Variants in ATF6 observed in about 807,000 individuals in gnomAD.
ATF6 encodes activating transcription factor 6, also known as cyclic AMP-dependent transcription factor ATF-6 alpha.
A neutral mutation model predicts 83.6 loss-of-function variants in ATF6; 53 were observed. The ratio of observed to expected loss-of-function variants is 0.63; its 90% CI spans 0.51 to 0.80. The LOEUF is 0.80. ATF6 is among the 30% of genes least tolerant of loss of function. The pLI, the probability that ATF6 is intolerant of heterozygous loss-of-function variation, is 0.00. For synonymous variants in ATF6, 288 were observed against 285.8 expected (o/e 1.01, Z -0.08); for missense variants, 744 against 797.9 (o/e 0.93, Z 0.81).
chr1:161,889,412 AC>A (rs1687502480), intron 14 of ATF6, among the ~76,000 whole-genome samples: 2 of 152,220 alleles, frequency 1.3e-5, no homozygotes, highest in South Asian at 4.1e-4. Flanking sequence ...TATCACAAGA[AC>A]AATCCTTAAT....
chr1:161,850,469 A>G (rs1024409550), intron 10 of ATF6, among the ~76,000 whole-genome samples: 3 of 152,292 alleles, frequency 2.0e-5, no homozygotes, highest in African/African-American at 7.2e-5. Context: ...CATTTTATCT[A>G]AAGTATATAC....
chr1:161,923,109 G>A (rs2101896865), intron 15 of ATF6, among the ~76,000 whole-genome samples: 1 of 152,230 alleles, frequency 6.6e-6, no homozygotes, highest in East Asian at 1.9e-4. Flanking sequence ...GAATACTTCT[G>A]TAGGTCCTAG....
chr1:161,859,832 A>G (rs1686844945), intron 12 of ATF6, among the ~76,000 whole-genome samples: 1 of 152,180 alleles, frequency 6.6e-6, no homozygotes, highest in Non-Finnish European at 1.5e-5. Context: ...TAGTTTCATT[A>G]TGGACTTTTC....
chr1:161,860,103 G>A (rs1293947875), intron 12 of ATF6, 104 bp from the exon 13 acceptor site: 1 of 613,598 alleles, frequency 1.6e-6, no homozygotes, highest in Non-Finnish European at 2.6e-6. Flanking sequence ...AGAAATCTTA[G>A]CAATGGAAGT....
chr1:161,848,121 AC>A (rs139608488), intron 10 of ATF6, among the ~76,000 whole-genome samples: 21,360 of 151,500 alleles, frequency 0.14, 2,045 homozygotes, highest in East Asian at 0.31. Flanking sequence ...AAAAAAAAAA[AC>A]CAAAAAACAA....
chr1:161,821,059 A>C lies in ATF6; in HGVS notation c.1096-11A>C. ...TAGTTTAATTGTATTTAATGTGGTC[A>C]TTTCCTTTAGAACCAGAGGCTTAAA... On this transcript the variant is annotated splice_polypyrimidine_tract_variant and intron_variant, in intron 8 of 15. Transcript: ENST00000367942. 1 of 1,583,360 alleles carries C rather than the reference A, an allele frequency of 6.3e-7. No individual in the cohort carries two copies. Among genetic ancestry groups the C allele is most frequent in the African/African-American group, 1.4e-5 (1 of 73,684 alleles).
intron 7 of ATF6, among the ~76,000 whole-genome samples, chr1:161,805,238 T>G (rs562939120): frequency 6.6e-6 from 1 of 152,086 alleles, no homozygotes; most frequent in Non-Finnish European, 1.5e-5. Flanking sequence ...TTTTTTCATG[T>G]CTAAAATATT....
At chr1:161,854,974 G>A (rs534447474) in intron 12 of ATF6, among the ~76,000 whole-genome samples, 27 of 152,246 alleles carry the variant, frequency 1.8e-4, no homozygotes, top group African/African-American at 6.0e-4. Flanking sequence ...AGCTGAGTAC[G>A]ACTGGAATGC....
At chr1:161,880,550 T>C (rs1018497428) in intron 14 of ATF6, among the ~76,000 whole-genome samples, 5 of 152,146 alleles carry the variant, frequency 3.3e-5, no homozygotes, top group Admixed American at 3.3e-4. Context: ...TTATATATAT[T>C]TTCCTTCCAG....
chr1:161,807,442 C>G (rs1469724728), intron 7 of ATF6, among the ~76,000 whole-genome samples: 1 of 152,148 alleles, frequency 6.6e-6, no homozygotes, highest in African/African-American at 2.4e-5. Flanking sequence ...TTAATAACTT[C>G]TAACAACAAA....
chr1:161,920,425 G>T (rs1228879020), intron 15 of ATF6, among the ~76,000 whole-genome samples: 2 of 151,078 alleles, frequency 1.3e-5, no homozygotes, highest in Non-Finnish European at 3.0e-5. Context: ...CTCCCAAGTA[G>T]CTGGGACTAC....
chr1:161,835,134 A>C (rs578077838), intron 9 of ATF6, among the ~76,000 whole-genome samples: 1 of 152,296 alleles, frequency 6.6e-6, no homozygotes, highest in Non-Finnish European at 1.5e-5. Context: ...CAGCAGCATG[A>C]TCATGACTCA....
chr1:161,933,585 T>G (rs1688477443), intron 15 of ATF6, among the ~76,000 whole-genome samples: 1 of 152,230 alleles, frequency 6.6e-6, no homozygotes, highest in Admixed American at 6.5e-5. Context: ...TCTCCTTAAA[T>G]CATACTTTAG....
At chr1:161,949,003 C>T (rs985161712) in intron 15 of ATF6, among the ~76,000 whole-genome samples, 6 of 152,224 alleles carry the variant, frequency 3.9e-5, no homozygotes, top group Non-Finnish European at 7.3e-5. Flanking sequence ...TCAGACTGGT[C>T]TCCACCCTGT....
chr1:161,927,346 A>G (rs570329781), intron 15 of ATF6, among the ~76,000 whole-genome samples: 4 of 152,260 alleles, frequency 2.6e-5, no homozygotes, highest in Non-Finnish European at 4.4e-5. Context: ...TGTAAAAAAC[A>G]TTTATAGAGA....
intron 4 of ATF6, among the ~76,000 whole-genome samples, chr1:161,790,792 CAG>C (rs1433869298): frequency 2.0e-5 from 3 of 147,608 alleles, no homozygotes; most frequent in African/African-American, 7.6e-5. Flanking sequence ...GCTTGGGCAA[CAG>C]AGTGAGACTC....
At chr1:161,893,408 C>G (rs770542561) in intron 14 of ATF6, among the ~76,000 whole-genome samples, 1 of 152,114 alleles carries the variant, frequency 6.6e-6, no homozygotes, top group African/African-American at 2.4e-5. Context: ...TCAGGTGATC[C>G]GCCAGCCTCA....
At chr1:161,792,429 CTGTT>C in intron 6 of ATF6, 102 bp downstream of exon 6, 1 of 1,154,546 alleles carries the variant, frequency 8.7e-7, no homozygotes, top group Non-Finnish European at 1.2e-6. Flanking sequence ...TGAGCACGTG[CTGTT>C]TGTCAGGAAT....
intron 14 of ATF6, among the ~76,000 whole-genome samples, chr1:161,906,807 T>C (rs1212683068): frequency 6.6e-6 from 1 of 152,222 alleles, no homozygotes; most frequent in Non-Finnish European, 1.5e-5. Context: ...TCTGTAGTTT[T>C]ATTGCATACA....
Sources: gnomAD v4.1 joint callset for allele counts (sites outside exome capture counted in the v4.1 genomes callset) on GRCh38, gnomAD v4.1.1 for gene constraint, MANE v1.5 for transcripts, NCBI Gene and HGNC (gene_info 2026-07-23, HGNC 2026-07-21) for gene names.